Variants in DNAJC13 observed in about 807,000 individuals in gnomAD.
The protein encoded by DNAJC13 is dnaJ homolog subfamily C member 13.
In DNAJC13, 75 loss-of-function variants were observed where a neutral mutation model predicts 290.5. The ratio of observed to expected loss-of-function variants is 0.26; its 90% CI spans 0.21 to 0.31. DNAJC13 has a LOEUF of 0.31. Among genes scored for constraint, DNAJC13 ranks in the 10% least tolerant of loss-of-function variants. DNAJC13 has a pLI of 1.00. For synonymous variants in DNAJC13, 862 were observed against 892.0 expected (o/e 0.97, Z 0.60); for missense variants, 2,260 against 2,674.5 (o/e 0.85, Z 3.42).
chr3:132,531,766 C>T (rs1299011006), intron 55 of DNAJC13, among the ~76,000 whole-genome samples: 1 of 151,008 alleles, frequency 6.6e-6, no homozygotes, highest in African/African-American at 2.4e-5. Context: ...CACTGCACTC[C>T]AGCCTGGGCG....
rs539152515 is a variant in DNAJC13 at position 132,464,696 on chromosome 3, T to C, written c.1892+879T>C. 3.7e-4 allele frequency among the ~76,000 whole-genome samples: 57 copies of C among 152,262 alleles called. 1 individual carries two copies. The South Asian group carries it at 6.4e-3, about 17-fold the overall frequency. On this transcript the variant is annotated intron_variant, in intron 17 of 55. Coordinates refer to ENST00000260818, the MANE Select transcript of DNAJC13 (RefSeq NM_015268.4). ...AACTAGTCTTAGAGGATAAAGATAA[T>C]AAGGATGTTTTCCTAGTATTGTCTT...
chr3:132,513,387 G>A (rs1209684370), intron 45 of DNAJC13, among the ~76,000 whole-genome samples: 1 of 152,086 alleles, frequency 6.6e-6, no homozygotes, highest in Non-Finnish European at 1.5e-5. Context: ...GCTTTACTGG[G>A]GAAGCTTAGA....
intron 43 of DNAJC13, 149 bp from the exon 44 acceptor site, chr3:132,510,918 A>T: frequency 1.3e-6 from 1 of 783,422 alleles, no homozygotes; most frequent in South Asian, 2.1e-5. Context: ...CCTGCCCTCT[A>T]CATCCCCCCT....
At chr3:132,525,368 A>G (rs1012236389) in intron 51 of DNAJC13, among the ~76,000 whole-genome samples, 1 of 152,208 alleles carries the variant, frequency 6.6e-6, no homozygotes, top group Non-Finnish European at 1.5e-5. Context: ...GAAATTGGGT[A>G]TACCTAACCG....
intron 43 of DNAJC13, among the ~76,000 whole-genome samples, chr3:132,507,899 T>G (rs1386895099): frequency 6.6e-6 from 1 of 152,152 alleles, no homozygotes; most frequent in Non-Finnish European, 1.5e-5. Context: ...ATGATTAACC[T>G]TGATGAGGAA....
intron 2 of DNAJC13, among the ~76,000 whole-genome samples, chr3:132,442,777 G>T (rs1346710243): frequency 6.6e-6 from 1 of 152,132 alleles, no homozygotes; most frequent in Non-Finnish European, 1.5e-5. Flanking sequence ...GGCATTTAAT[G>T]ATGTAAGTTT....
At chr3:132,499,909 T>C in intron 38 of DNAJC13, 101 bp downstream of exon 38, 1 of 1,086,502 alleles carries the variant, frequency 9.2e-7, no homozygotes. Flanking sequence ...AACTGTAGGT[T>C]GCTGAGCTCC....
chr3:132,459,600 TA>T (rs919547458), intron 13 of DNAJC13, among the ~76,000 whole-genome samples: 8 of 151,824 alleles, frequency 5.3e-5, no homozygotes, highest in African/African-American at 1.9e-4. Context: ...TTTACCACAA[TA>T]AAAAAAAGTA....
intron 1 of DNAJC13, among the ~76,000 whole-genome samples, chr3:132,431,222 C>A (rs572794641): frequency 2.6e-5 from 4 of 152,326 alleles, no homozygotes; most frequent in Non-Finnish European, 5.9e-5. Flanking sequence ...CTTGTGGCCT[C>A]TGTAGAAACA....
Position 132,473,149 on chromosome 3 carries a change from T to G in DNAJC13, c.2213T>G (p.Ile738Arg). 6.2e-7 allele frequency: 1 copy of G among 1,609,400 alleles called. No homozygotes were observed. Among genetic ancestry groups the G allele is most frequent in the Non-Finnish European group, 8.5e-7 (1 of 1,178,178 alleles). ...TGAAGTTTTTTTCTGTTCCAGAATATAAATCAGAAGCCAGTGGTTCTTCGA... is the reference window on the plus strand; with the variant it reads ...TGAAGTTTTTTTCTGTTCCAGAATAGAAATCAGAAGCCAGTGGTTCTTCGA... ...DRMGIAQKEN[I>R]NQKPVVLRKR... is the part of the protein sequence containing the mutation. Residue 738 changes from isoleucine to arginine, a missense_variant, in exon 21 of 56, where the codon ATA becomes AGA. Physicochemically the swap from Ile to Arg is moderately conservative, Grantham distance 97. Transcript: ENST00000260818.
intron 1 of DNAJC13, among the ~76,000 whole-genome samples, chr3:132,427,728 A>G (rs1490310609): frequency 1.3e-5 from 2 of 152,180 alleles, no homozygotes; most frequent in African/African-American, 4.8e-5. Flanking sequence ...TCCCCCCAAA[A>G]TGCTGTATTA....
chr3:132,438,492 T>C (rs1029949653), intron 2 of DNAJC13, among the ~76,000 whole-genome samples: 1 of 152,240 alleles, frequency 6.6e-6, no homozygotes, highest in African/African-American at 2.4e-5. Context: ...GTACAACAAA[T>C]TTTTTGTGAT....
intron 48 of DNAJC13, among the ~76,000 whole-genome samples, chr3:132,522,472 C>T (rs1187873253): frequency 6.6e-6 from 1 of 152,132 alleles, no homozygotes; most frequent in Non-Finnish European, 1.5e-5. Context: ...ACAAGCCTGG[C>T]TAAGGGCATT....
At chr3:132,451,249 C>T (rs1933406472) in intron 6 of DNAJC13, among the ~76,000 whole-genome samples, 1 of 152,022 alleles carries the variant, frequency 6.6e-6, no homozygotes, top group Non-Finnish European at 1.5e-5. Flanking sequence ...ATAGCTTGAG[C>T]CCAGGAGTTT....
At position 132,537,073 on chromosome 3, in the gene DNAJC13, C is replaced by T. The variant is rs1021638473; in HGVS notation, c.6626-1103C>T. ...GTGGCCTTTTTGTCCTCCACCAATC[C>T]CTGTTTCTACCTTCATCAAACTACT... On this transcript the variant is annotated intron_variant, in intron 55 of 55. Transcript: ENST00000260818. 6 of 454,566 alleles carry T rather than the reference C, an allele frequency of 1.3e-5. No individual in the cohort carries two copies. In the Admixed American group the frequency reaches 1.4e-4, roughly 11 times the overall value. The allele number at this position is 454,566 out of a possible 1,614,324, so 28.2% of individuals were successfully genotyped here.
intron 21 of DNAJC13, among the ~76,000 whole-genome samples, chr3:132,473,533 G>T (rs1358802982): frequency 6.6e-6 from 1 of 152,140 alleles, no homozygotes; most frequent in Non-Finnish European, 1.5e-5. Flanking sequence ...GATGGAAATG[G>T]AGTCTTAAAA....
chr3:132,484,645 T>A lies in DNAJC13; in HGVS notation c.3240T>A (p.Asp1080Glu). ...PLPKVKRLLS[D>E]STCLPHIIQL... is the part of the protein sequence containing the mutation. ...CCAAAGTGAAAAGACTGCTGTCAGATAGCACTTGCCTTCCCCATATTATTC... is the reference window on the plus strand; with the variant it reads ...CCAAAGTGAAAAGACTGCTGTCAGAAAGCACTTGCCTTCCCCATATTATTC... Residue 1080 changes from aspartate (D) to glutamate (E), a missense_variant, in exon 29 of 56, where the codon GAT (aspartate) becomes GAA (glutamate). Asp to Glu is a conservative substitution (Grantham distance 45). Coordinates refer to ENST00000260818, the MANE Select transcript of DNAJC13 (RefSeq NM_015268.4). The A allele has an allele frequency of 1.2e-6, 2 of 1,614,102 alleles. No individual in the cohort carries two copies. Among genetic ancestry groups the A allele is most frequent in the Non-Finnish European group, 1.7e-6 (2 of 1,179,952 alleles).
At chr3:132,461,255 G>A (rs758947307) in intron 15 of DNAJC13, 50 bp downstream of exon 15, 31 of 1,578,158 alleles carry the variant, frequency 2.0e-5, no homozygotes, top group Admixed American at 5.1e-5. Context: ...TAAGGGAACC[G>A]CTTTTAGGAT....
chr3:132,533,565 ACCTCAAATGATCCACCCG>A (rs1222927915), intron 55 of DNAJC13, among the ~76,000 whole-genome samples: 130 of 150,210 alleles, frequency 8.7e-4, no homozygotes, highest in African/African-American at 1.3e-3. Flanking sequence ...CGGACTCCTG[ACCTCAAATGATCCACCCG>A]CCTCAAATGA....
Sources: allele counts gnomAD v4.1 joint callset (sites outside exome capture counted in the v4.1 genomes callset), GRCh38; gene constraint gnomAD v4.1.1; transcripts MANE v1.5; gene names NCBI Gene and HGNC (gene_info 2026-07-23, HGNC 2026-07-21).